The following SHPRH variants were observed in gnomAD, a reference collection of about 807,000 sequenced individuals.
The protein encoded by SHPRH is SNF2 histone linker PHD RING helicase.
In SHPRH, 106 loss-of-function variants were observed where a neutral mutation model predicts 202.5. That is an observed-to-expected ratio of 0.52 (90% CI 0.45 to 0.62). The LOEUF is 0.62. Ranked by LOEUF, SHPRH falls within the 20% of genes least tolerant of loss-of-function variation. SHPRH has a pLI of 0.00. For synonymous variants in SHPRH, 729 were observed against 686.0 expected (o/e 1.06, Z -0.98); for missense variants, 1,710 against 2,020.0 (o/e 0.85, Z 2.94).
At chr6:145,890,087 A>G (rs1167230126) in intron 28 of SHPRH, among the ~76,000 whole-genome samples, 1 of 152,174 alleles carries the variant, frequency 6.6e-6, no homozygotes, top group Non-Finnish European at 1.5e-5. Flanking sequence ...TGAAAGGAAA[A>G]CAAAAACCTC....
chr6:145,940,135 C>T (rs9403757), intron 11 of SHPRH, among the ~76,000 whole-genome samples: 95,643 of 151,872 alleles, frequency 0.63, 30,630 homozygotes, highest in African/African-American at 0.73. Context: ...TTTCAATGCA[C>T]GTGTGGAGAG....
intron 2 of SHPRH, among the ~76,000 whole-genome samples, chr6:145,875,999 A>G (rs1325659191): frequency 6.6e-6 from 1 of 152,246 alleles, no homozygotes; most frequent in Non-Finnish European, 1.5e-5. Context: ...TTTCAAAAAT[A>G]TCTTCGAGAT....
At chr6:145,887,149 C>G (rs1001097192) in intron 29 of SHPRH, among the ~76,000 whole-genome samples, 2 of 152,076 alleles carry the variant, frequency 1.3e-5, no homozygotes, top group Non-Finnish European at 2.9e-5. Context: ...ATTAAAACAA[C>G]CTAAATAAAA....
At position 145,950,455 on chromosome 6, in the gene SHPRH, G is replaced by A. The variant is rs202143151; in HGVS notation, c.791C>T (p.Pro264Leu). 188 of 1,612,794 alleles carry A rather than the reference G, an allele frequency of 1.2e-4. No homozygotes were observed. The highest frequency in any genetic ancestry group is 7.0e-4 in the Admixed American group (42 of 59,908). Residue 264 changes from proline to leucine, a missense_variant, in exon 4 of 30, where the codon CCG (proline) becomes CTG (leucine). By Grantham distance (98) the Pro-to-Leu change is moderately conservative. Transcript: ENST00000275233. ...GTCTTGTCCCTCTGGCTCACTCTCC[G>A]GATCATCTTCATCCTCTTCCAACAC... Reference protein sequence around the residue: ...PDVLEEDEDDPESEPEGQDID... With the variant: ...PDVLEEDEDDLESEPEGQDID...
intron 2 of SHPRH, among the ~76,000 whole-genome samples, chr6:145,952,910 G>A (rs1347898993): frequency 1.3e-5 from 2 of 151,960 alleles, no homozygotes; most frequent in Non-Finnish European, 2.9e-5. Flanking sequence ...ACACTAAAAC[G>A]TGTAAAAAAA....
intron 22 of SHPRH, 198 bp downstream of exon 22, chr6:145,919,150 C>T (rs1784206302): frequency 8.1e-6 from 5 of 617,638 alleles, no homozygotes; most frequent in Non-Finnish European, 1.3e-5. Flanking sequence ...GAACACTAAG[C>T]ATGTAATAGA....
At position 145,943,725 on chromosome 6, in the gene SHPRH, T is replaced by G; in HGVS notation, c.1656A>C (p.Pro552=). 6.2e-7 allele frequency: 1 copy of G among 1,611,824 alleles called. No homozygotes were observed. Among genetic ancestry groups the G allele is most frequent in the Non-Finnish European group, 8.5e-7 (1 of 1,178,616 alleles). ...CATCATCATCATCAGAGGTGTCTGA[T>G]GGCAAGTATTCAGAATCTGTGTCCT... ...GNKDTDSEYL[P]SDTSDDDDDP... Residue 552 remains proline (P), a synonymous_variant, in exon 9 of 30, where the codon CCA becomes CCC. Coordinates refer to ENST00000275233, the MANE Select transcript of SHPRH (RefSeq NM_001042683.3).
chr6:145,889,252 C>T (rs190583051), intron 28 of SHPRH, among the ~76,000 whole-genome samples: 178 of 152,198 alleles, frequency 1.2e-3, no homozygotes, highest in African/African-American at 3.8e-3. Flanking sequence ...CCTCAGACCA[C>T]TGGCAAGAAG....
At chr6:145,873,022 A>C (rs1352162737) in intron 2 of SHPRH, among the ~76,000 whole-genome samples, 1 of 152,080 alleles carries the variant, frequency 6.6e-6, no homozygotes, top group Non-Finnish European at 1.5e-5. Context: ...AACACACACT[A>C]GGGTGTGTTG....
chr6:145,868,287 A>G (rs561353572), intron 2 of SHPRH, among the ~76,000 whole-genome samples: 1 of 152,198 alleles, frequency 6.6e-6, no homozygotes, highest in Non-Finnish European at 1.5e-5. Flanking sequence ...GTCATATTCT[A>G]AGGCCCTGGG....
intron 2 of SHPRH, 129 bp from the exon 3 acceptor site, chr6:145,952,607 A>G (rs1788092826): frequency 2.7e-6 from 2 of 738,544 alleles, no homozygotes; most frequent in Non-Finnish European, 3.9e-6. Context: ...ACAAACAATA[A>G]ATACATGCCT....
intron 25 of SHPRH, among the ~76,000 whole-genome samples, chr6:145,895,952 G>A (rs1781981249): frequency 6.6e-6 from 1 of 151,954 alleles, no homozygotes; most frequent in Admixed American, 6.6e-5. Flanking sequence ...TATTAAATAT[G>A]AGCACTATAA....
rs551067107 is a variant in SHPRH at position 145,955,006 on chromosome 6, T to C, written c.317A>G (p.Tyr106Cys). The change falls in exon 2 of 30, where the codon TAT becomes TGT. Residue 106 changes from tyrosine to cysteine, a missense_variant. Physicochemically the swap from Tyr to Cys is radical, Grantham distance 194. Coordinates refer to ENST00000275233, the MANE Select transcript of SHPRH (RefSeq NM_001042683.3). ...SVKLNIVISPYHFDNSWKAFL... is the reference protein window; with the variant it reads ...SVKLNIVISPCHFDNSWKAFL... Reference sequence around the variant, plus strand: ...TGCTTTCCAGGAATTATCAAAATGATAGGGAGAAATCACAATATTTAACTT... The same window carrying C: ...TGCTTTCCAGGAATTATCAAAATGACAGGGAGAAATCACAATATTTAACTT... 5.1e-5 allele frequency: 82 copies of C among 1,613,618 alleles called. No individual in the cohort carries two copies. The South Asian group carries it at 8.3e-4, about 16-fold the overall frequency.
At chr6:145,870,822 CTCTT>C (rs1267154901) in intron 2 of SHPRH, 1 of 152,128 alleles carries the variant, frequency 6.6e-6, no homozygotes, top group Non-Finnish European at 1.5e-5. Flanking sequence ...GAGGAAGTTC[CTCTT>C]TATTTGTAAT....
chr6:145,919,196 T>C (rs1014414114), intron 22 of SHPRH, 152 bp downstream of exon 22: 8 of 1,159,714 alleles, frequency 6.9e-6, no homozygotes, highest in Non-Finnish European at 9.6e-6. Flanking sequence ...TTTTGGTCTA[T>C]AAAGACAATT....
intron 2 of SHPRH, among the ~76,000 whole-genome samples, chr6:145,867,828 G>T (rs904811403): frequency 6.6e-6 from 1 of 151,674 alleles, no homozygotes; most frequent in East Asian, 1.9e-4. Context: ...AGAACTGAGA[G>T]AATTAATTCC....
intron 23 of SHPRH, among the ~76,000 whole-genome samples, chr6:145,916,063 TG>T (rs2128743698): frequency 6.6e-6 from 1 of 152,246 alleles, no homozygotes; most frequent in African/African-American, 2.4e-5. Context: ...CACTTCAAAT[TG>T]GGTATTTTCA....
rs1338048968 is a variant in SHPRH at position 145,884,957 on chromosome 6, T to G, written c.*1734A>C. 6.6e-6 allele frequency: 1 copy of G among 152,094 alleles called. No individual in the cohort carries two copies. The highest frequency in any genetic ancestry group is 1.5e-5 in the Non-Finnish European group (1 of 67,998). 9.4% of individuals were successfully genotyped at this position (152,094 alleles called of 1,614,324 possible). ...CAAATTGTTTTCTCTAAAACATAGC[T>G]CAGAAAGGAATAGTAGAAAACAAAC... On this transcript the variant is annotated 3_prime_UTR_variant, in exon 30 of 30. Transcript: ENST00000275233.
chr6:145,892,200 A>T (rs1781625753), intron 28 of SHPRH, among the ~76,000 whole-genome samples: 1 of 152,124 alleles, frequency 6.6e-6, no homozygotes, highest in African/African-American at 2.4e-5. Context: ...GTCCCTAGAA[A>T]TGTCATGTCA....
Sources: gnomAD v4.1 joint callset for allele counts (sites outside exome capture counted in the v4.1 genomes callset) on GRCh38, gnomAD v4.1.1 for gene constraint, MANE v1.5 for transcripts, NCBI Gene and HGNC (gene_info 2026-07-23, HGNC 2026-07-21) for gene names.